Variants in SEPTIN9 observed in about 807,000 individuals in gnomAD.
The protein encoded by SEPTIN9 is septin-9.
SEPTIN9 carries 13 observed loss-of-function variants against 56.6 expected under a neutral mutation model. That is an observed-to-expected ratio of 0.23 (90% CI 0.15 to 0.37). The LOEUF (loss-of-function observed/expected upper bound fraction) is 0.37, where lower values mean the gene tolerates loss of function less well. Ranked by LOEUF, SEPTIN9 falls within the 10% of genes least tolerant of loss-of-function variation. SEPTIN9 has a pLI of 1.00. For missense variants in SEPTIN9, 650 were observed against 823.1 expected, an observed-to-expected ratio of 0.79 and a Z score of 2.57; for synonymous variants, 332 against 334.1, an observed-to-expected ratio of 0.99 and a Z score of 0.07.
rs928991007 is a variant in SEPTIN9 at position 77,371,736 on chromosome 17, G to A, written c.77-30323G>A. 7.2e-5 allele frequency among the ~76,000 whole-genome samples: 11 copies of A among 152,188 alleles called. No individual in the cohort carries two copies. The highest frequency in any genetic ancestry group is 1.9e-4 in the African/African-American group (8 of 41,440). On this transcript the variant is annotated intron_variant, in intron 2 of 11. Transcript: ENST00000427177. The surrounding 1 kb of genome is among the most constrained non-coding windows in gnomAD (Gnocchi z 4.1). ...AGCAATGGCTGCATTTCTGAAACCC[G>A]GGCTCCCAGGCCGACGAGGGTGTGC...
intron 2 of SEPTIN9, among the ~76,000 whole-genome samples, chr17:77,396,384 G>A (rs545917015): frequency 2.6e-5 from 4 of 152,320 alleles, no homozygotes; most frequent in South Asian, 2.1e-4. Flanking sequence ...GTGCAGTCAC[G>A]TACGGGGTTC....
Position 77,371,943 on chromosome 17 carries a change from G to GC in SEPTIN9, c.77-30110dup, listed in dbSNP as rs1321637523. On this transcript the variant is annotated intron_variant, in intron 2 of 11. Transcript: ENST00000427177. This position sits in a 1 kb window ranked among gnomAD's most constrained non-coding sequence, Gnocchi z 4.1. ...GAACATTTTCCGCAAGAGACCCCCT[G>GC]CCCCCCGCCTCTCCAGAATGGCTGG... is the stretch of plus-strand genomic sequence containing the variant. 6.6e-5 allele frequency among the ~76,000 whole-genome samples: 10 copies of GC among 152,098 alleles called. No homozygotes were observed. The South Asian group carries it at 1.2e-3, about 19-fold the overall frequency.
chr17:77,403,357 G>T (rs1329353892), intron 3 of SEPTIN9, among the ~76,000 whole-genome samples: 1 of 152,232 alleles, frequency 6.6e-6, no homozygotes, highest in Non-Finnish European at 1.5e-5. Flanking sequence ...GGACCAGGGG[G>T]CTGTGTGATA....
chr17:77,438,541 C>G (rs1598376229), intron 3 of SEPTIN9, among the ~76,000 whole-genome samples: 1 of 152,190 alleles, frequency 6.6e-6, no homozygotes, highest in Non-Finnish European at 1.5e-5. Flanking sequence ...GCTGTCATCA[C>G]AAGAGTTTTT....
chr17:77,411,816 G>A lies in SEPTIN9; in HGVS notation c.721+9113G>A, dbSNP rs74255259. 0.014 allele frequency among the ~76,000 whole-genome samples: 2,089 copies of A among 152,260 alleles called. 98 individuals are homozygous for A. In the East Asian group the frequency reaches 0.16, roughly 12 times the overall value. On this transcript the variant is annotated intron_variant, in intron 3 of 11. Coordinates refer to ENST00000427177, the MANE Select transcript of SEPTIN9 (RefSeq NM_001113491.2). ...AAGGATGAGCTCTTAGTGAATTTCTGTGTCAAGGATGTGTGCATTTAAGTT... is the reference window on the plus strand; with the variant it reads ...AAGGATGAGCTCTTAGTGAATTTCTATGTCAAGGATGTGTGCATTTAAGTT...
intron 10 of SEPTIN9, among the ~76,000 whole-genome samples, chr17:77,493,431 G>A (rs1810910817): frequency 6.6e-6 from 1 of 152,194 alleles, no homozygotes; most frequent in South Asian, 2.1e-4. Context: ...GGGGTGGGCT[G>A]TAGCTCTGTG....
intron 10 of SEPTIN9, chr17:77,497,099 A>G: frequency 1.6e-6 from 1 of 632,658 alleles, no homozygotes; most frequent in Admixed American, 2.3e-5. Context: ...CAGGAGCAGG[A>G]GCTGGTGCTG....
intron 2 of SEPTIN9, chr17:77,373,599 C>T: frequency 6.5e-7 from 1 of 1,535,222 alleles, no homozygotes; most frequent in Non-Finnish European, 8.8e-7. Context: ...CTGGAGAGGA[C>T]CCTGCGGGTG....
rs2040087434 is a variant in SEPTIN9 at position 77,492,806 on chromosome 17, AATTAT to A, written c.1476+94_1476+98del. On this transcript the variant is annotated intron_variant, in intron 9 of 11. Coordinates refer to ENST00000427177, the MANE Select transcript of SEPTIN9 (RefSeq NM_001113491.2). The surrounding 1 kb of genome is among the most constrained non-coding windows in gnomAD (Gnocchi z 5.4). The stretch of plus-strand genomic sequence containing the variant: ...GGGTTTGGAGGACCTTAAGCCATGA[AATTAT>A]ATTCTTGGGGCCAGAGGGCACTGAG... The A allele has an allele frequency of 7.5e-7, 1 of 1,326,780 alleles. No homozygotes were observed. Among genetic ancestry groups the A allele is most frequent in the African/African-American group, 1.4e-5 (1 of 69,294 alleles). The allele number at this position is 1,326,780 out of a possible 1,614,324, so 82.2% of individuals were successfully genotyped here.
chr17:77,350,779 G>C (rs1027255807), intron 2 of SEPTIN9, among the ~76,000 whole-genome samples: 1 of 152,240 alleles, frequency 6.6e-6, no homozygotes, highest in Non-Finnish European at 1.5e-5. Context: ...CAGGAGGTGG[G>C]TAGATGCCAC....
At chr17:77,377,578 C>G (rs922047116) in intron 2 of SEPTIN9, among the ~76,000 whole-genome samples, 9 of 152,086 alleles carry the variant, frequency 5.9e-5, no homozygotes, top group Non-Finnish European at 7.4e-5. Context: ...CCCGAGCCCC[C>G]ACTGTCGCCC....
chr17:77,365,260 T>G (rs1307380570), intron 2 of SEPTIN9, among the ~76,000 whole-genome samples: 1 of 152,226 alleles, frequency 6.6e-6, no homozygotes, highest in Non-Finnish European at 1.5e-5. Flanking sequence ...CAGATGTATT[T>G]TGCTCCCTTA....
rs547998476 is a variant in SEPTIN9, at chr17:77,487,464, C to T, written c.954C>T (p.Leu318=). 2 of 1,611,190 alleles carry T rather than the reference C, an allele frequency of 1.2e-6. No homozygotes were observed. The highest frequency in any genetic ancestry group is 1.7e-4 in the Middle Eastern group (1 of 6,058). The stretch of plus-strand genomic sequence containing the variant: ...GTAAATCCACCTTAATCAACACCCT[C>T]TTCAAATCCAAAATCAGCCGGAAGT... ...GLGKSTLINT[L]FKSKISRKSV... The change falls in exon 5 of 12, where the codon CTC becomes CTT. Residue 318 remains leucine, a synonymous_variant. Coordinates refer to ENST00000427177, the MANE Select transcript of SEPTIN9 (RefSeq NM_001113491.2). The surrounding 1 kb of genome is among the most constrained non-coding windows in gnomAD (Gnocchi z 4.3).
chr17:77,384,837 G>A (rs1204800570), intron 2 of SEPTIN9, among the ~76,000 whole-genome samples: 2 of 125,854 alleles, frequency 1.6e-5, no homozygotes, highest in African/African-American at 6.4e-5. Context: ...GTATGAACCT[G>A]TTTAAACACA....
Position 77,287,783 on chromosome 17 carries a change from G to A in SEPTIN9, c.19+6229G>A, listed in dbSNP as rs561563850. On this transcript the variant is annotated intron_variant, in intron 1 of 11. Transcript: ENST00000427177. ...CTGTGACAGCTGAGCTTTGTTCCCAGCCTAATCTGACCTGGTTCTCCAAAG... is the reference window on the plus strand; with the variant it reads ...CTGTGACAGCTGAGCTTTGTTCCCAACCTAATCTGACCTGGTTCTCCAAAG... 914 of 720,092 alleles carry A rather than the reference G, an allele frequency of 1.3e-3. 4 individuals carry two copies. The highest frequency in any genetic ancestry group is 1.5e-3 in the Non-Finnish European group (856 of 578,342). The allele number at this position is 720,092 out of a possible 1,614,324, so 44.6% of individuals were successfully genotyped here.
rs975754241 is a variant in SEPTIN9 at position 77,436,991 on chromosome 17, C to T, written c.721+34288C>T. ...CGATTGTGCAGATCACCTGGCCTCA[C>T]TCCCTCGGTTTACAGTGGAGGAAAC... is the stretch of plus-strand genomic sequence containing the variant. On this transcript the variant is annotated intron_variant, in intron 3 of 11. Transcript: ENST00000427177. This position sits in a 1 kb window ranked among gnomAD's most constrained non-coding sequence, Gnocchi z 4.4. Among the ~76,000 whole-genome samples the T allele has an allele frequency of 3.9e-5, 6 of 152,246 alleles. No homozygotes were observed. Among genetic ancestry groups the T allele is most frequent in the African/African-American group, 1.2e-4 (5 of 41,466 alleles).
rs1427968769 is a variant in SEPTIN9 at position 77,437,231 on chromosome 17, G to A, written c.721+34528G>A. Reference sequence around the variant, plus strand: ...GGAAAGAAGAATGCCCTATGCAGAAGTGGTTGGAAAGCAAGAAGCCTGGAG... The same window carrying A: ...GGAAAGAAGAATGCCCTATGCAGAAATGGTTGGAAAGCAAGAAGCCTGGAG... On this transcript the variant is annotated intron_variant, in intron 3 of 11. Coordinates refer to ENST00000427177, the MANE Select transcript of SEPTIN9 (RefSeq NM_001113491.2). This position sits in a 1 kb window ranked among gnomAD's most constrained non-coding sequence, Gnocchi z 5.3. Among the ~76,000 whole-genome samples the A allele has an allele frequency of 6.6e-6, 1 of 152,212 alleles. No individual in the cohort carries two copies. The highest frequency in any genetic ancestry group is 1.5e-5 in the Non-Finnish European group (1 of 68,044).
At chr17:77,295,259 G>C (rs774445566) in intron 1 of SEPTIN9, among the ~76,000 whole-genome samples, 6 of 152,198 alleles carry the variant, frequency 3.9e-5, no homozygotes, top group Non-Finnish European at 8.8e-5. Context: ...CATGCAGGTA[G>C]AGGGAGGGTT....
intron 3 of SEPTIN9, chr17:77,469,641 C>G (rs1219323844): frequency 6.6e-6 from 1 of 152,278 alleles, no homozygotes; most frequent in Admixed American, 6.5e-5. Context: ...GTGGCTATCT[C>G]AAGGTGTGAC....
Sources: allele counts gnomAD v4.1 joint callset (sites outside exome capture counted in the v4.1 genomes callset), GRCh38; gene constraint gnomAD v4.1.1; non-coding constraint Gnocchi (gnomAD v3.1); transcripts MANE v1.5; gene names NCBI Gene and HGNC (gene_info 2026-07-23, HGNC 2026-07-21).